The following ALDH1A2 variants were observed in gnomAD, a reference collection of about 807,000 sequenced individuals.
The protein encoded by ALDH1A2 is aldehyde dehydrogenase 1 family member A2, also known as retinal dehydrogenase 2.
ALDH1A2 carries 27 observed loss-of-function variants against 60.3 expected under a neutral mutation model. The ratio of observed to expected loss-of-function variants is 0.45; its 90% CI spans 0.33 to 0.62. ALDH1A2 has a LOEUF of 0.62. ALDH1A2 is among the 20% of genes least tolerant of loss of function. The probability of loss-of-function intolerance (pLI) is 0.02; values close to 1 mark genes in which losing one functional copy is unlikely to be tolerated. For missense variants in ALDH1A2, 581 were observed against 643.8 expected (o/e 0.90, Z 1.06); for synonymous variants, 289 against 232.4 (o/e 1.24, Z -2.21).
intron 7 of ALDH1A2, among the ~76,000 whole-genome samples, chr15:57,985,135 A>G (rs533121460): frequency 6.6e-4 from 100 of 152,324 alleles, no homozygotes; most frequent in Non-Finnish European, 1.1e-3. Flanking sequence ...TTTTTGACCC[A>G]GAATTATTTC....
At chr15:58,029,858 T>C (rs1176918295) in intron 1 of ALDH1A2, among the ~76,000 whole-genome samples, 1 of 152,172 alleles carries the variant, frequency 6.6e-6, no homozygotes, top group East Asian at 1.9e-4. Flanking sequence ...AATCTCTGAA[T>C]AGACCAATAA....
At chr15:57,984,160 A>G (rs12898976) in intron 7 of ALDH1A2, among the ~76,000 whole-genome samples, 63,252 of 152,014 alleles carry the variant, frequency 0.42, 14,298 homozygotes, top group Non-Finnish European at 0.52. Context: ...TGTGACTCTC[A>G]GCCCTACAAC....
chr15:57,993,149 A>T, intron 5 of ALDH1A2, 76 bp from the exon 6 acceptor site: 6 of 1,555,690 alleles, frequency 3.9e-6, no homozygotes, highest in Non-Finnish European at 5.2e-6. Context: ...GTGACTTCTC[A>T]TATTTCTCAA....
At chr15:58,036,403 C>T (rs1265154428) in intron 1 of ALDH1A2, among the ~76,000 whole-genome samples, 1 of 151,656 alleles carries the variant, frequency 6.6e-6, no homozygotes, top group East Asian at 1.9e-4. Flanking sequence ...CAACTATTAA[C>T]CTTTTAAAAT....
intron 1 of ALDH1A2, among the ~76,000 whole-genome samples, chr15:58,062,142 A>C (rs1308973283): frequency 6.6e-6 from 1 of 152,114 alleles, no homozygotes; most frequent in Non-Finnish European, 1.5e-5. Flanking sequence ...TGCCTCTTCT[A>C]TTTTAGCAGG....
chr15:58,010,790 G>A lies in ALDH1A2; in HGVS notation c.364-12C>T. 1 of 1,612,724 alleles carries A rather than the reference G, an allele frequency of 6.2e-7. No homozygotes were observed. The highest frequency in any genetic ancestry group is 8.5e-7 in the Non-Finnish European group (1 of 1,179,022). On this transcript the variant is annotated splice_polypyrimidine_tract_variant and intron_variant, in intron 3 of 12. Transcript: ENST00000249750. ...AGGGATTCCATGGTCTGTTGGAAGA[G>A]AAATGGAGAGATACTAAGTCCCCAG...
chr15:57,975,744 A>G (rs866429703), intron 7 of ALDH1A2, among the ~76,000 whole-genome samples: 2 of 151,348 alleles, frequency 1.3e-5, no homozygotes, highest in African/African-American at 2.4e-5. Flanking sequence ...AGTATATACT[A>G]TATGTTGCCA....
intron 10 of ALDH1A2, among the ~76,000 whole-genome samples, 188 bp downstream of exon 10, chr15:57,961,824 C>A (rs1203427966): frequency 6.6e-6 from 1 of 152,160 alleles, no homozygotes; most frequent in African/African-American, 2.4e-5. Flanking sequence ...CTGGCCTCCA[C>A]CTAGCTTGCT....
intron 3 of ALDH1A2, chr15:58,012,256 T>C (rs1159842428): frequency 6.6e-6 from 1 of 152,218 alleles, no homozygotes; most frequent in Non-Finnish European, 1.5e-5. Context: ...GTTAATCCAA[T>C]GCTATAGATA....
intron 4 of ALDH1A2, among the ~76,000 whole-genome samples, chr15:58,002,236 G>C (rs976502772): frequency 2.0e-5 from 3 of 151,896 alleles, no homozygotes; most frequent in Admixed American, 2.0e-4. Context: ...TGTGTGCATT[G>C]AGCCATTTCT....
intron 1 of ALDH1A2, among the ~76,000 whole-genome samples, chr15:58,014,866 G>C (rs1595668113): frequency 6.6e-6 from 1 of 152,284 alleles, no homozygotes; most frequent in East Asian, 1.9e-4. Context: ...AGCCAAAAAA[G>C]ATGGGGATGG....
chr15:58,005,907 T>C (rs1254773003), intron 4 of ALDH1A2, among the ~76,000 whole-genome samples: 3 of 151,862 alleles, frequency 2.0e-5, no homozygotes, highest in African/African-American at 7.2e-5. Context: ...TCGATTTTCA[T>C]TATTTGTGGA....
At chr15:58,006,796 C>T (rs374834448) in intron 4 of ALDH1A2, among the ~76,000 whole-genome samples, 15 of 147,040 alleles carry the variant, frequency 1.0e-4, no homozygotes, top group Admixed American at 6.8e-4. Context: ...ACCTGATGCA[C>T]AAATTCTCAG....
intron 1 of ALDH1A2, among the ~76,000 whole-genome samples, chr15:58,054,848 A>T (rs1166066068): frequency 6.6e-6 from 1 of 152,166 alleles, no homozygotes; most frequent in African/African-American, 2.4e-5. Flanking sequence ...TCTTTATCAT[A>T]ACCTAAAAAA....
chr15:57,973,515 T>C (rs1387938478), intron 7 of ALDH1A2, among the ~76,000 whole-genome samples: 2 of 152,206 alleles, frequency 1.3e-5, no homozygotes, highest in Non-Finnish European at 2.9e-5. Flanking sequence ...GAAGAATCTA[T>C]ACAACTTCTC....
intron 1 of ALDH1A2, among the ~76,000 whole-genome samples, chr15:58,064,363 C>T (rs2140595215): frequency 6.6e-6 from 1 of 152,282 alleles, no homozygotes; most frequent in East Asian, 1.9e-4. Context: ...ACATTCAAAA[C>T]ACAAATCGCC....
chr15:57,987,305 A>C (rs965837349), intron 7 of ALDH1A2, among the ~76,000 whole-genome samples: 1 of 152,232 alleles, frequency 6.6e-6, no homozygotes, highest in Non-Finnish European at 1.5e-5. Flanking sequence ...TGAAAACTAT[A>C]AACTCACAGA....
At chr15:57,956,468 A>T (rs1468194394) in intron 12 of ALDH1A2, among the ~76,000 whole-genome samples, 1 of 152,156 alleles carries the variant, frequency 6.6e-6, no homozygotes, top group East Asian at 1.9e-4. Context: ...GGCCTACATA[A>T]GGCTCCAGGG....
At chr15:57,957,470 C>A (rs1893566785) in intron 12 of ALDH1A2, among the ~76,000 whole-genome samples, 4 of 152,182 alleles carry the variant, frequency 2.6e-5, no homozygotes, top group Admixed American at 2.6e-4. Context: ...TAAGCAATTT[C>A]ACCATCTTGT....
Sources: gnomAD v4.1 joint callset for allele counts (sites outside exome capture counted in the v4.1 genomes callset) on GRCh38, gnomAD v4.1.1 for gene constraint, MANE v1.5 for transcripts, NCBI Gene and HGNC (gene_info 2026-07-23, HGNC 2026-07-21) for gene names.